Variants in OPA1 observed in about 807,000 individuals in gnomAD.
OPA1 encodes OPA1 mitochondrial dynamin like GTPase.
Under a neutral mutation model 152.9 loss-of-function variants are expected in OPA1, and 59 were observed. The observed-to-expected ratio is 0.39, with a 90% CI of 0.31 to 0.48. OPA1 has a LOEUF of 0.48. OPA1 is among the 20% of genes least tolerant of loss of function. The pLI is 0.96. For synonymous variants in OPA1, 400 were observed against 389.9 expected (o/e 1.03, Z -0.31); for missense variants, 1,008 against 1,216.8 (o/e 0.83, Z 2.55).
chr3:193,691,058 TTAAAAA>T (rs1721607142), intron 29 of OPA1, among the ~76,000 whole-genome samples: 1 of 151,704 alleles, frequency 6.6e-6, no homozygotes, highest in Non-Finnish European at 1.5e-5. Context: ...CACAAAAAAA[TTAAAAA>T]TAAAAACTTA....
intron 29 of OPA1, among the ~76,000 whole-genome samples, chr3:193,681,170 A>G (rs1052529016): frequency 6.6e-6 from 1 of 152,230 alleles, no homozygotes; most frequent in South Asian, 2.1e-4. Flanking sequence ...TCCCATGCAG[A>G]AATTATTTAT....
At chr3:193,670,003 C>G (rs151121502) in intron 29 of OPA1, among the ~76,000 whole-genome samples, 3 of 152,258 alleles carry the variant, frequency 2.0e-5, no homozygotes, top group East Asian at 3.9e-4. Flanking sequence ...GCCAGTAACT[C>G]AGCTGCATCA....
At chr3:193,625,929 A>G in intron 6 of OPA1, 163 bp from the exon 7 acceptor site, 1 of 642,922 alleles carries the variant, frequency 1.6e-6, no homozygotes, top group Non-Finnish European at 2.9e-6. Flanking sequence ...GAAAATGGAA[A>G]TGCGGTACAG....
In OPA1 at chr3:193,614,927, A is replaced by G. The variant is rs752258799; in HGVS notation, c.237A>G (p.Lys79=). 1.9e-6 allele frequency: 3 copies of G among 1,613,798 alleles called. No individual in the cohort carries two copies. Among genetic ancestry groups the G allele is most frequent in the African/African-American group, 2.7e-5 (2 of 74,918 alleles). ...GTAAACTGAAATTCTCTCCAATTAA[A>G]TATGGCTACCAGCCTCGCAGGAATT... ...PLRKLKFSPI[K]YGYQPRRNFW... The change falls in exon 2 of 31, where the codon AAA becomes AAG. Residue 79 remains lysine (K), a synonymous_variant. Coordinates refer to ENST00000361510, the MANE Select transcript of OPA1 (RefSeq NM_130837.3).
chr3:193,685,102 C>A, intron 29 of OPA1, among the ~76,000 whole-genome samples: 1 of 152,094 alleles, frequency 6.6e-6, no homozygotes. Context: ...GAGTTTGAGA[C>A]CAGCCTAGCC....
chr3:193,612,913 A>T (rs1161953482), intron 1 of OPA1, among the ~76,000 whole-genome samples: 2 of 152,186 alleles, frequency 1.3e-5, no homozygotes, highest in African/African-American at 4.8e-5. Context: ...TGGAGCTCGG[A>T]ATCTGAGAGA....
intron 1 of OPA1, 52 bp from the exon 2 acceptor site, chr3:193,614,671 C>T (rs2108863956): frequency 1.5e-6 from 2 of 1,371,510 alleles, no homozygotes; most frequent in Non-Finnish European, 2.1e-6. Flanking sequence ...ATGTCATTTC[C>T]TTTGTACTGT....
At position 193,695,661 on chromosome 3, in the gene OPA1, A is replaced by T. The variant is rs1055193210; in HGVS notation, c.*1061A>T. 6.6e-6 allele frequency: 1 copy of T among 152,230 alleles called. No homozygotes were observed. The highest frequency in any genetic ancestry group is 2.4e-5 in the African/African-American group (1 of 41,464). The allele number at this position is 152,230 out of a possible 1,614,324, so 9.4% of individuals were successfully genotyped here. On this transcript the variant is annotated 3_prime_UTR_variant, in exon 31 of 31. Transcript: ENST00000361510. ...AATATTTTTTAATTGGCTAAAGGAC[A>T]TTCAAGCAAAGAAATGCTTTCTTTA...
At chr3:193,600,757 T>C (rs76454404) in intron 1 of OPA1, among the ~76,000 whole-genome samples, 2,187 of 152,290 alleles carry the variant, frequency 0.014, 51 homozygotes, top group African/African-American at 0.049. Context: ...AGAAGAGATA[T>C]AAAGATTAGA....
chr3:193,615,709 T>C lies in OPA1; in HGVS notation c.387T>C (p.Leu129=). Residue 129 remains leucine, a synonymous_variant, in exon 3 of 31, where the codon CTT becomes CTC. Transcript: ENST00000361510. The part of the protein sequence containing the change: ...FDQWKDMIPD[L]SEYKWIVPDI... ...AGTGGAAAGATATGATACCGGACCT[T>C]AGTGAATATAAATGGATTGTGCCTG... 1.9e-6 allele frequency: 3 copies of C among 1,612,240 alleles called. No individual in the cohort carries two copies. Among genetic ancestry groups the C allele is most frequent in the Non-Finnish European group, 2.5e-6 (3 of 1,178,370 alleles).
intron 1 of OPA1, among the ~76,000 whole-genome samples, chr3:193,605,090 T>C (rs1319856779): frequency 6.6e-6 from 1 of 152,118 alleles, no homozygotes; most frequent in Non-Finnish European, 1.5e-5. Context: ...ATGAAGGGGC[T>C]TCAGTAAACC....
At chr3:193,604,293 G>C (rs995038739) in intron 1 of OPA1, among the ~76,000 whole-genome samples, 4 of 152,298 alleles carry the variant, frequency 2.6e-5, no homozygotes, top group African/African-American at 9.6e-5. Context: ...GGGGGCTGTT[G>C]TAAGGCCAAC....
chr3:193,658,289 T>C (rs564011010), intron 23 of OPA1, among the ~76,000 whole-genome samples: 3 of 151,902 alleles, frequency 2.0e-5, no homozygotes, highest in African/African-American at 7.2e-5. Context: ...TTTATTCTTG[T>C]TAAATGCCTT....
At chr3:193,667,070 A>G (rs1716729135) in intron 28 of OPA1, 100 bp from the exon 29 acceptor site, 2 of 700,192 alleles carry the variant, frequency 2.9e-6, no homozygotes, top group Non-Finnish European at 2.6e-6. Flanking sequence ...TAGTTCTAAC[A>G]TGATAAAAAA....
chr3:193,690,119 T>G (rs1405058976), intron 29 of OPA1, among the ~76,000 whole-genome samples: 2 of 152,040 alleles, frequency 1.3e-5, no homozygotes, highest in Non-Finnish European at 2.9e-5. Flanking sequence ...TTTACTTGTT[T>G]GTCTGCTGTT....
chr3:193,666,527 C>T (rs1220422995), intron 28 of OPA1, 138 bp downstream of exon 28: 2 of 749,290 alleles, frequency 2.7e-6, no homozygotes, highest in Middle Eastern at 2.8e-4. Flanking sequence ...GTAGCTCATG[C>T]CTGTAATCTC....
chr3:193,640,330 A>G (rs986587885), intron 11 of OPA1, among the ~76,000 whole-genome samples: 11 of 152,180 alleles, frequency 7.2e-5, no homozygotes, highest in African/African-American at 2.7e-4. Context: ...GTATAGTAAG[A>G]GGGAAAGCAG....
chr3:193,688,444 CTTTTCTTTTTTTTTTTTT>C (rs1721222441), intron 29 of OPA1, among the ~76,000 whole-genome samples: 1 of 38,520 alleles, frequency 2.6e-5, no homozygotes, highest in African/African-American at 6.9e-5. Context: ...TGAAATGGGT[CTTTTCTTTTTTTTTTTTT>C]TTTTTTTTTT....
At chr3:193,593,443 C>G (rs1170825957) in intron 1 of OPA1, 34 bp downstream of exon 1, 1 of 1,509,096 alleles carries the variant, frequency 6.6e-7, no homozygotes, top group South Asian at 1.2e-5. Context: ...CCCGTTAATT[C>G]TGGGGCCTCT....
Sources: allele counts gnomAD v4.1 joint callset (sites outside exome capture counted in the v4.1 genomes callset), GRCh38; gene constraint gnomAD v4.1.1; transcripts MANE v1.5; gene names NCBI Gene and HGNC (gene_info 2026-07-23, HGNC 2026-07-21).